CCSER1: variants seen among roughly 807,000 people sequenced by gnomAD.
CCSER1 encodes the protein serine-rich coiled-coil domain-containing protein 1.
A neutral mutation model predicts 82.0 loss-of-function variants in CCSER1; 41 were observed. The observed-to-expected ratio is 0.50, with a 90% confidence interval of 0.39 to 0.65. CCSER1 has a LOEUF of 0.65. CCSER1 is among the 30% of genes least tolerant of loss of function. The probability of loss-of-function intolerance (pLI) is 0.00; values close to 1 mark genes in which losing one functional copy is unlikely to be tolerated. For missense variants in CCSER1, 1,119 were observed against 1,064.2 expected, an observed-to-expected ratio of 1.05 and a Z score of -0.72; for synonymous variants, 414 against 383.9, an observed-to-expected ratio of 1.08 and a Z score of -0.92.
rs1373965751 is a variant in CCSER1, at chr4:90,309,418, G to T, written c.1134G>T (p.Gly378=). ...ATAGTGAAAGAGAAGAAAATATAGG[G>T]TTACAAAATGGTGAAACAATGCTGG... ...PADSEREENI[G]LQNGETMLGT... The change falls in exon 2 of 11, where the codon GGG becomes GGT. Residue 378 remains glycine (G), a synonymous_variant. Coordinates refer to ENST00000509176, the MANE Select transcript of CCSER1 (RefSeq NM_001145065.2). The T allele has an allele frequency of 6.2e-7, 1 of 1,613,648 alleles. No homozygotes were observed. The highest frequency in any genetic ancestry group is 8.5e-7 in the Non-Finnish European group (1 of 1,179,792).
At chr4:90,631,303 G>A (rs560611100) in intron 6 of CCSER1, among the ~76,000 whole-genome samples, 1 of 151,886 alleles carries the variant, frequency 6.6e-6, no homozygotes, top group Non-Finnish European at 1.5e-5. Context: ...TGAGATTTTT[G>A]GTTTGTTACA....
At chr4:90,422,584 G>GTCTC (rs140011451) in intron 4 of CCSER1, among the ~76,000 whole-genome samples, 3 of 150,716 alleles carry the variant, frequency 2.0e-5, no homozygotes, top group East Asian at 3.9e-4. Context: ...AACAGAGTGA[G>GTCTC]TCTCTCTCTC....
At chr4:91,176,318 G>A (rs1733353853) in intron 10 of CCSER1, among the ~76,000 whole-genome samples, 1 of 152,090 alleles carries the variant, frequency 6.6e-6, no homozygotes, top group South Asian at 2.1e-4. Flanking sequence ...CTCTTTTTTG[G>A]TTCCATATGT....
chr4:91,526,929 TC>T (rs1288643269), intron 10 of CCSER1, among the ~76,000 whole-genome samples: 9 of 144,630 alleles, frequency 6.2e-5, no homozygotes, highest in Non-Finnish European at 1.5e-5. Context: ...GTTGTCCTAT[TC>T]TCATTTCAAC....
At chr4:90,370,580 T>G (rs1269748801) in intron 3 of CCSER1, among the ~76,000 whole-genome samples, 1 of 152,050 alleles carries the variant, frequency 6.6e-6, no homozygotes, top group Non-Finnish European at 1.5e-5. Flanking sequence ...TTGTATGTCT[T>G]CTTTGGGAGA....
At chr4:90,893,766 T>C (rs1723279668) in intron 8 of CCSER1, among the ~76,000 whole-genome samples, 1 of 125,830 alleles carries the variant, frequency 7.9e-6, no homozygotes, top group African/African-American at 3.9e-5. Context: ...TGTGTGTGTG[T>C]GTGTGTGTGC....
At chr4:90,637,190 C>T (rs538149306) in intron 6 of CCSER1, among the ~76,000 whole-genome samples, 2 of 152,110 alleles carry the variant, frequency 1.3e-5, no homozygotes, top group Non-Finnish European at 2.9e-5. Flanking sequence ...CTTGGCTAAA[C>T]TTGAAGATCT....
At chr4:91,464,854 G>C (rs1345074350) in intron 10 of CCSER1, among the ~76,000 whole-genome samples, 2 of 152,134 alleles carry the variant, frequency 1.3e-5, no homozygotes, top group African/African-American at 4.8e-5. Flanking sequence ...GATTCATAAA[G>C]CAAGTCGTTA....
intron 9 of CCSER1, among the ~76,000 whole-genome samples, chr4:90,926,556 G>T (rs1729085432): frequency 6.6e-6 from 1 of 151,926 alleles, no homozygotes; most frequent in Non-Finnish European, 1.5e-5. Flanking sequence ...TAAGTTTAAA[G>T]ATTTGTACAA....
chr4:91,439,643 G>T (rs957085318), intron 10 of CCSER1, among the ~76,000 whole-genome samples: 1 of 151,924 alleles, frequency 6.6e-6, no homozygotes, highest in Non-Finnish European at 1.5e-5. Flanking sequence ...GGGACTAAAT[G>T]CTCCAATTAA....
chr4:91,385,905 T>A (rs1441142389), intron 10 of CCSER1, among the ~76,000 whole-genome samples: 2 of 152,002 alleles, frequency 1.3e-5, no homozygotes. Flanking sequence ...GATACATATG[T>A]GTATGTTTGT....
intron 10 of CCSER1, among the ~76,000 whole-genome samples, chr4:91,523,204 T>C (rs1045687590): frequency 6.6e-6 from 1 of 152,226 alleles, no homozygotes; most frequent in Non-Finnish European, 1.5e-5. Context: ...TGAACCAGCC[T>C]TGCATCCCAG....
At chr4:91,472,212 G>A (rs1307012568) in intron 10 of CCSER1, among the ~76,000 whole-genome samples, 4 of 152,090 alleles carry the variant, frequency 2.6e-5, no homozygotes, top group East Asian at 3.9e-4. Context: ...TTAGGGCTTC[G>A]CTGAAGTTTT....
intron 6 of CCSER1, among the ~76,000 whole-genome samples, chr4:90,657,105 A>T (rs1020560096): frequency 6.6e-6 from 1 of 151,986 alleles, no homozygotes; most frequent in East Asian, 1.9e-4. Context: ...GAACTTCCTT[A>T]ATATTTATTT....
intron 3 of CCSER1, among the ~76,000 whole-genome samples, chr4:90,372,449 A>T (rs1471193726): frequency 1.3e-5 from 2 of 152,150 alleles, no homozygotes; most frequent in Admixed American, 1.3e-4. Context: ...TGTTTAGTAG[A>T]TCATTTTTAA....
intron 3 of CCSER1, among the ~76,000 whole-genome samples, chr4:90,345,777 C>T (rs1031913243): frequency 1.3e-5 from 2 of 152,058 alleles, no homozygotes; most frequent in African/African-American, 4.8e-5. Context: ...ATAAGATCTC[C>T]ACATCTCTCT....
At position 91,267,185 on chromosome 4, in the gene CCSER1, T is replaced by C. The variant is rs1323451136; in HGVS notation, c.2217+181191T>C. On this transcript the variant is annotated intron_variant, in intron 10 of 10. Coordinates refer to ENST00000509176, the MANE Select transcript of CCSER1 (RefSeq NM_001145065.2). ...AGCACACCTGTGGATCCAGCAAATCTTGAATTCTGCCATTTTTGGGGAATT... is the reference window on the plus strand; with the variant it reads ...AGCACACCTGTGGATCCAGCAAATCCTGAATTCTGCCATTTTTGGGGAATT... Among the ~76,000 whole-genome samples, 5 of 152,200 alleles carry C rather than the reference T, an allele frequency of 3.3e-5. No individual in the cohort carries two copies. The East Asian group carries it at 9.6e-4, about 29-fold the overall frequency.
intron 8 of CCSER1, among the ~76,000 whole-genome samples, chr4:90,855,642 G>T (rs1764377738): frequency 6.6e-6 from 1 of 152,024 alleles, no homozygotes; most frequent in Non-Finnish European, 1.5e-5. Context: ...ACTCTAAAGT[G>T]TGTTAGGAAA....
intron 5 of CCSER1, among the ~76,000 whole-genome samples, chr4:90,582,516 G>A (rs919954509): frequency 6.6e-6 from 1 of 152,084 alleles, no homozygotes; most frequent in Admixed American, 6.6e-5. Context: ...GACTATAAAA[G>A]CACTTTATAA....
Sources: gnomAD v4.1 joint callset for allele counts (sites outside exome capture counted in the v4.1 genomes callset) on GRCh38, gnomAD v4.1.1 for gene constraint, MANE v1.5 for transcripts, NCBI Gene and HGNC (gene_info 2026-07-23, HGNC 2026-07-21) for gene names.